RCN2: variants seen among roughly 807,000 people sequenced by gnomAD.
The protein encoded by RCN2 is reticulocalbin-2.
RCN2 carries 23 observed loss-of-function variants against 37.5 expected under a neutral mutation model. The observed-to-expected ratio is 0.61, with a 90% CI of 0.44 to 0.87. RCN2 has a LOEUF of 0.87. Among genes scored for constraint, RCN2 ranks in the 40% least tolerant of loss-of-function variants. The pLI, the probability that RCN2 is intolerant of heterozygous loss-of-function variation, is 0.00. For missense variants in RCN2, 381 were observed against 390.4 expected, an observed-to-expected ratio of 0.98 and a Z score of 0.20; for synonymous variants, 140 against 144.6, an observed-to-expected ratio of 0.97 and a Z score of 0.23.
At chr15:76,947,919 G>A (rs1485983770) in intron 5 of RCN2, 1 of 164,296 alleles carries the variant, frequency 6.1e-6, no homozygotes, top group Non-Finnish European at 1.3e-5. Context: ...AGGTGAATAA[G>A]TGTTTGAAAT....
Position 76,953,210 on chromosome 15 carries a change from G to C in RCN2, c.*3988G>C, listed in dbSNP as rs1471390960. ...CGGCCTCCCAAAGTGCTGAGATTAC[G>C]GGCATGAGCCACCGCGCCCAGCCCC... On this transcript the variant is annotated 3_prime_UTR_variant, in exon 7 of 7. Coordinates refer to ENST00000394885, the MANE Select transcript of RCN2 (RefSeq NM_002902.3). 1 of 150,070 alleles carries C rather than the reference G, an allele frequency of 6.7e-6. No individual in the cohort carries two copies. The highest frequency in any genetic ancestry group is 2.1e-4 in the South Asian group (1 of 4,696). 9.3% of individuals were successfully genotyped at this position (150,070 alleles called of 1,614,324 possible). A position where few individuals can be genotyped will look rare whatever the true frequency, so the allele number is the denominator to read the frequency against.
Position 76,931,769 on chromosome 15 carries a change from A to C in RCN2, c.-73A>C. ...ACCGCCTCTCTGTAGCCGCCCGCGGAGCATCGCAGCCGGCCCGGGCCCCCG... is the reference window on the plus strand; with the variant it reads ...ACCGCCTCTCTGTAGCCGCCCGCGGCGCATCGCAGCCGGCCCGGGCCCCCG... On this transcript the variant is annotated 5_prime_UTR_variant, in exon 1 of 7. Coordinates refer to ENST00000394885, the MANE Select transcript of RCN2 (RefSeq NM_002902.3). 1.8e-6 allele frequency: 2 copies of C among 1,118,108 alleles called. No individual in the cohort carries two copies. Among genetic ancestry groups the C allele is most frequent in the African/African-American group, 1.6e-5 (1 of 60,974 alleles). 69.3% of individuals were successfully genotyped at this position (1,118,108 alleles called of 1,614,324 possible). A position where few individuals can be genotyped will look rare whatever the true frequency, so the allele number is the denominator to read the frequency against.
intron 3 of RCN2, among the ~76,000 whole-genome samples, chr15:76,936,242 ATATAG>A (rs1409575410): frequency 6.6e-6 from 1 of 152,052 alleles, no homozygotes; most frequent in African/African-American, 2.4e-5. Context: ...TTATTCCTTA[ATATAG>A]TATAACAATG....
chr15:76,933,262 T>C (rs1170506077), intron 2 of RCN2, among the ~76,000 whole-genome samples: 1 of 152,236 alleles, frequency 6.6e-6, no homozygotes, highest in Non-Finnish European at 1.5e-5. Context: ...TTGTGACTCT[T>C]AAGTTAGCTG....
At position 76,947,410 on chromosome 15, in the gene RCN2, A is replaced by G. The variant is rs2075300805; in HGVS notation, c.562-11A>G. 1 of 1,549,092 alleles carries G rather than the reference A, an allele frequency of 6.5e-7. No homozygotes were observed. The highest frequency in any genetic ancestry group is 8.8e-7 in the Non-Finnish European group (1 of 1,137,412). On this transcript the variant is annotated splice_polypyrimidine_tract_variant and intron_variant, in intron 4 of 6. Transcript: ENST00000394885. ...AACTTTTTTTTTTCTTTTTTAATGA[A>G]CGTGGAATAGGAATTTGTCATTCAA...
At chr15:76,944,114 T>C (rs191081646) in intron 4 of RCN2, among the ~76,000 whole-genome samples, 12 of 149,740 alleles carry the variant, frequency 8.0e-5, no homozygotes, top group African/African-American at 2.7e-4. Flanking sequence ...TGCCTCAGCC[T>C]CTCTGAGTAG....
In RCN2 at chr15:76,949,296, T is replaced by C; in HGVS notation, c.*74T>C. The C allele has an allele frequency of 3.8e-6, 4 of 1,044,254 alleles. No homozygotes were observed. Among genetic ancestry groups the C allele is most frequent in the Non-Finnish European group, 5.3e-6 (4 of 751,468 alleles). 64.7% of individuals were successfully genotyped at this position (1,044,254 alleles called of 1,614,324 possible). On this transcript the variant is annotated 3_prime_UTR_variant, in exon 7 of 7. Transcript: ENST00000394885. ...CCAGCTTTACTTTTGTGATAAAATA[T>C]TGATGTTGTATTTTACACTCTTAAG...
rs185071999 is a variant in RCN2, at chr15:76,946,578, A to G, written c.562-843A>G. Among the ~76,000 whole-genome samples the G allele has an allele frequency of 1.2e-4, 19 of 152,198 alleles. No individual in the cohort carries two copies. In the East Asian group the frequency reaches 3.5e-3, roughly 28 times the overall value. Reference sequence around the variant, plus strand: ...ATCAGCCTTGCCAACATGGCAAAACACTGTCTCTACTAAAAATATAAAAGT... The same window carrying G: ...ATCAGCCTTGCCAACATGGCAAAACGCTGTCTCTACTAAAAATATAAAAGT... On this transcript the variant is annotated intron_variant, in intron 4 of 6. Transcript: ENST00000394885.
In RCN2 at chr15:76,944,600, C is replaced by G. The variant is rs11858343; in HGVS notation, c.561+729C>G. Among the ~76,000 whole-genome samples the G allele has an allele frequency of 7.8e-3, 1,190 of 152,284 alleles. 13 individuals are homozygous for G. The highest frequency in any genetic ancestry group is 0.027 in the African/African-American group (1,125 of 41,558). On this transcript the variant is annotated intron_variant, in intron 4 of 6. Coordinates refer to ENST00000394885, the MANE Select transcript of RCN2 (RefSeq NM_002902.3). ...CAATTGTTTTGATTTTTAGATCCCA[C>G]AAATGAGTGAGAACATGGGATGTTT...
intron 3 of RCN2, among the ~76,000 whole-genome samples, chr15:76,938,400 G>A (rs2152650177): frequency 6.6e-6 from 1 of 152,306 alleles, no homozygotes; most frequent in African/African-American, 2.4e-5. Context: ...AGGGAATTGA[G>A]TATCCTTGGG....
chr15:76,936,607 T>A (rs2152649807), intron 3 of RCN2, among the ~76,000 whole-genome samples: 1 of 152,278 alleles, frequency 6.6e-6, no homozygotes. Context: ...GTGGCCCAGT[T>A]CCTAACAGGC....
At chr15:76,940,337 A>G (rs1007077452) in intron 3 of RCN2, among the ~76,000 whole-genome samples, 5 of 151,988 alleles carry the variant, frequency 3.3e-5, no homozygotes, top group Non-Finnish European at 5.9e-5. Flanking sequence ...ATTGATGTGG[A>G]GTGTAAAGAT....
chr15:76,941,197 C>A (rs1303660766), intron 3 of RCN2, among the ~76,000 whole-genome samples: 4 of 151,752 alleles, frequency 2.6e-5, no homozygotes, highest in Non-Finnish European at 5.9e-5. Context: ...CTATGCCCAG[C>A]TAATTTTTTA....
intron 3 of RCN2, among the ~76,000 whole-genome samples, chr15:76,937,531 C>T (rs530792271): frequency 1.3e-5 from 2 of 152,142 alleles, no homozygotes; most frequent in African/African-American, 2.4e-5. Context: ...GCACAGCCCC[C>T]GAAGTAGCTG....
At chr15:76,944,972 T>C (rs1568461271) in intron 4 of RCN2, among the ~76,000 whole-genome samples, 1 of 152,240 alleles carries the variant, frequency 6.6e-6, no homozygotes, top group South Asian at 2.1e-4. Flanking sequence ...CCATAGTGGT[T>C]GTATGAATTT....
intron 3 of RCN2, among the ~76,000 whole-genome samples, chr15:76,936,389 C>CG (rs965065778): frequency 6.9e-5 from 10 of 144,892 alleles, no homozygotes; most frequent in Admixed American, 1.4e-4. Context: ...CAGTGTGTGG[C>CG]GGGGGGGTGG....
chr15:76,934,435 C>T (rs2075238274), intron 2 of RCN2, among the ~76,000 whole-genome samples: 1 of 152,176 alleles, frequency 6.6e-6, no homozygotes, highest in African/African-American at 2.4e-5. Flanking sequence ...AGCCACTGAG[C>T]CCAGCCAAAT....
chr15:76,939,067 A>G (rs533027678), intron 3 of RCN2, among the ~76,000 whole-genome samples: 35 of 152,246 alleles, frequency 2.3e-4, no homozygotes, highest in Non-Finnish European at 2.6e-4. Context: ...ACAAATGCCC[A>G]AACAAAATTT....
At chr15:76,941,633 T>G in intron 3 of RCN2, 2 of 1,466,406 alleles carry the variant, frequency 1.4e-6, no homozygotes, top group South Asian at 2.7e-5. Context: ...TGTTATTTTT[T>G]TAGGAATTTG....
Sources: allele counts gnomAD v4.1 joint callset (sites outside exome capture counted in the v4.1 genomes callset), GRCh38; gene constraint gnomAD v4.1.1; transcripts MANE v1.5; gene names NCBI Gene and HGNC (gene_info 2026-07-23, HGNC 2026-07-21).